The following ALMS1 variants were observed in gnomAD, a reference collection of about 807,000 sequenced individuals.
The protein encoded by ALMS1 is ALMS1 centrosome and basal body associated protein.
A neutral mutation model predicts 352.2 loss-of-function variants in ALMS1; 271 were observed. That is an observed-to-expected ratio of 0.77 (90% confidence interval 0.70 to 0.85). ALMS1 has a LOEUF of 0.85. Ranked by LOEUF, ALMS1 falls within the 40% of genes least tolerant of loss-of-function variation. ALMS1 has a pLI of 0.00. For missense variants in ALMS1, 5,445 were observed against 4,870.7 expected, an observed-to-expected ratio of 1.12 and a Z score of -3.51; for synonymous variants, 1,865 against 1,761.2, an observed-to-expected ratio of 1.06 and a Z score of -1.48.
rs772714580 is a variant in ALMS1 at position 73,428,751 on chromosome 2, A to T, written c.1338+2198A>T. Among the ~76,000 whole-genome samples, 51 of 152,282 alleles carry T rather than the reference A, an allele frequency of 3.3e-4. No individual in the cohort carries two copies. In the South Asian group the frequency reaches 3.5e-3, roughly 11 times the overall value. Reference sequence around the variant, plus strand: ...CTCTATCTGTCTTAGTCTTAGATCTAGGAGTTATTTAATGTCAATATCAGA... The same window carrying T: ...CTCTATCTGTCTTAGTCTTAGATCTTGGAGTTATTTAATGTCAATATCAGA... On this transcript the variant is annotated intron_variant, in intron 6 of 22. Transcript: ENST00000613296.
At position 73,403,725 on chromosome 2, in the gene ALMS1, G is replaced by A. The variant is rs147494022; in HGVS notation, c.325-4897G>A. 4.0e-3 allele frequency among the ~76,000 whole-genome samples: 609 copies of A among 152,124 alleles called. 5 individuals carry two copies. Among genetic ancestry groups the A allele is most frequent in the African/African-American group, 0.014 (584 of 41,518 alleles). On this transcript the variant is annotated intron_variant, in intron 1 of 22. Coordinates refer to ENST00000613296, the MANE Select transcript of ALMS1 (RefSeq NM_001378454.1). ...TTCATTAGTATTGTAGTTTTCAGTA[G>A]ACAGATCTTTTGCCTTCTTGGTTAC...
intron 16 of ALMS1, among the ~76,000 whole-genome samples, chr2:73,580,620 G>C (rs1373984818): frequency 6.6e-6 from 1 of 151,974 alleles, no homozygotes; most frequent in East Asian, 1.9e-4. Context: ...ATACTTTCTT[G>C]TTTCTTTTCA....
At chr2:73,569,054 G>T (rs71416797) in intron 15 of ALMS1, among the ~76,000 whole-genome samples, 1 of 114,544 alleles carries the variant, frequency 8.7e-6, no homozygotes, top group African/African-American at 3.3e-5. Context: ...TCGCTCTGTC[G>T]CCCAGGCTGG....
Position 73,424,473 on chromosome 2 carries a change from C to T in ALMS1, c.808C>T (p.Pro270Ser), listed in dbSNP as rs1572914306. The change falls in exon 5 of 23, where the codon CCA becomes TCA. Residue 270 changes from proline to serine, a missense_variant. Physicochemically the swap from Pro to Ser is moderately conservative, Grantham distance 74 (BLOSUM62 -1). Coordinates refer to ENST00000613296, the MANE Select transcript of ALMS1 (RefSeq NM_001378454.1). ...KSEDTEWSSR[P>S]SEVSEALFQA... is the part of the protein sequence containing the mutation. ...TGAAGATACTGAATGGTCTTCTCGA[C>T]CATCGGAAGTTAGTGAAGCTTTATT... The T allele has an allele frequency of 6.2e-7, 1 of 1,602,144 alleles. No individual in the cohort carries two copies. Among genetic ancestry groups the T allele is most frequent in the Non-Finnish European group, 8.5e-7 (1 of 1,175,462 alleles).
intron 16 of ALMS1, 92 bp from the exon 17 acceptor site, chr2:73,599,309 A>G (rs1675620178): frequency 2.0e-6 from 3 of 1,523,066 alleles, no homozygotes; most frequent in South Asian, 2.3e-5. Flanking sequence ...TTTGAATTGG[A>G]TTAGAAAGAG....
At chr2:73,465,601 C>T (rs1558656858) in intron 9 of ALMS1, among the ~76,000 whole-genome samples, 1 of 152,110 alleles carries the variant, frequency 6.6e-6, no homozygotes. Context: ...GTCTAAAACA[C>T]CAAAAGCAAT....
At chr2:73,606,048 A>G (rs1675810466) in intron 21 of ALMS1, among the ~76,000 whole-genome samples, 1 of 152,148 alleles carries the variant, frequency 6.6e-6, no homozygotes, top group Non-Finnish European at 1.5e-5. Flanking sequence ...AAGCAGATAC[A>G]AGTCCAGCTG....
At chr2:73,538,440 T>C (rs983995741) in intron 12 of ALMS1, among the ~76,000 whole-genome samples, 2 of 152,158 alleles carry the variant, frequency 1.3e-5, no homozygotes, top group African/African-American at 2.4e-5. Flanking sequence ...AGCTCCAGTC[T>C]GCAGCTCCCA....
At chr2:73,521,125 GTGAAAT>G (rs891322036) in intron 11 of ALMS1, among the ~76,000 whole-genome samples, 17 of 152,072 alleles carry the variant, frequency 1.1e-4, no homozygotes, top group African/African-American at 3.6e-4. Flanking sequence ...CATTTTTCTT[GTGAAAT>G]TAAAGCATAC....
intron 16 of ALMS1, among the ~76,000 whole-genome samples, chr2:73,582,925 C>G (rs1675216570): frequency 1.3e-5 from 2 of 152,050 alleles, no homozygotes; most frequent in Non-Finnish European, 2.9e-5. Flanking sequence ...TATAGTAGTT[C>G]TATTTTTAAC....
chr2:73,398,089 T>C (rs1221791072), intron 1 of ALMS1, among the ~76,000 whole-genome samples: 1 of 152,224 alleles, frequency 6.6e-6, no homozygotes, highest in Non-Finnish European at 1.5e-5. Context: ...TGTTATCTTC[T>C]AGGAGTTTTA....
chr2:73,421,295 GA>G (rs1235893331), intron 3 of ALMS1, among the ~76,000 whole-genome samples: 2 of 152,130 alleles, frequency 1.3e-5, no homozygotes, highest in East Asian at 3.9e-4. Flanking sequence ...TTTTTTTTGA[GA>G]AAAGACTGTC....
intron 12 of ALMS1, among the ~76,000 whole-genome samples, chr2:73,543,144 C>G (rs901698444): frequency 3.3e-5 from 5 of 152,204 alleles, no homozygotes; most frequent in Non-Finnish European, 5.9e-5. Context: ...ACCAAAACAG[C>G]ATGGTACTGG....
chr2:73,576,624 C>CT (rs60798625), intron 16 of ALMS1, among the ~76,000 whole-genome samples: 117 of 142,508 alleles, frequency 8.2e-4, no homozygotes, highest in South Asian at 2.9e-3. Flanking sequence ...TTTTCTTTTT[C>CT]TTTTTTTTTT....
At chr2:73,586,384 A>G (rs1052492894) in intron 16 of ALMS1, among the ~76,000 whole-genome samples, 2 of 152,144 alleles carry the variant, frequency 1.3e-5, no homozygotes, top group African/African-American at 4.8e-5. Flanking sequence ...TTCAGGTCTT[A>G]GATTTAAGTC....
intron 10 of ALMS1, among the ~76,000 whole-genome samples, chr2:73,510,707 G>A (rs749985594): frequency 6.6e-6 from 1 of 152,170 alleles, no homozygotes; most frequent in Non-Finnish European, 1.5e-5. Flanking sequence ...ACCCACTTGT[G>A]GAGGCATTCT....
At chr2:73,595,605 AG>A (rs1236129338) in intron 16 of ALMS1, among the ~76,000 whole-genome samples, 3 of 152,126 alleles carry the variant, frequency 2.0e-5, no homozygotes, top group African/African-American at 4.8e-5. Flanking sequence ...CTTCTGTAAA[AG>A]TTTTGTGTGG....
In ALMS1 at chr2:73,450,373, C is replaced by T. The variant is rs1183652335; in HGVS notation, c.3846C>T (p.Thr1282=). The T allele has an allele frequency of 6.2e-7, 1 of 1,613,230 alleles. No homozygotes were observed. The highest frequency in any genetic ancestry group is 1.7e-5 in the Admixed American group (1 of 59,900). ...VDQTTGTPAV[T]STSYSQYREK... ...AGACAACTGGCACACCAGCTGTAAC[C>T]TCTACTTCCTACTCACAATATAGAG... The change falls in exon 8 of 23, where the codon ACC becomes ACT. Residue 1282 remains threonine, a synonymous_variant. Coordinates refer to ENST00000613296, the MANE Select transcript of ALMS1 (RefSeq NM_001378454.1).
chr2:73,432,308 G>C lies in ALMS1; in HGVS notation c.1432+17G>C. On this transcript the variant is annotated intron_variant, in intron 7 of 22. Coordinates refer to ENST00000613296, the MANE Select transcript of ALMS1 (RefSeq NM_001378454.1). ...TAAAAGCAGGTACGTAGAAAAAGGAGATAGTAAATGTCCTACTTACGGATA... is the reference window on the plus strand; with the variant it reads ...TAAAAGCAGGTACGTAGAAAAAGGACATAGTAAATGTCCTACTTACGGATA... 1 of 1,559,054 alleles carries C rather than the reference G, an allele frequency of 6.4e-7. No individual in the cohort carries two copies. Among genetic ancestry groups the C allele is most frequent in the East Asian group, 2.3e-5 (1 of 44,442 alleles).
Sources: gnomAD v4.1 joint callset for allele counts (sites outside exome capture counted in the v4.1 genomes callset) on GRCh38, gnomAD v4.1.1 for gene constraint, MANE v1.5 for transcripts, NCBI Gene and HGNC (gene_info 2026-07-23, HGNC 2026-07-21) for gene names.